Variants in ZNF568 observed in about 807,000 individuals in gnomAD.
ZNF568 encodes p53 inhibitor of SCO2 activation.
ZNF568 carries 11 observed loss-of-function variants against 18.1 expected under a neutral mutation model. The ratio of observed to expected loss-of-function variants is 0.61; its 90% CI spans 0.38 to 1.00. The LOEUF (loss-of-function observed/expected upper bound fraction) is 1.00. ZNF568 is among the 50% of genes least tolerant of loss of function. The pLI, the probability that ZNF568 is intolerant of heterozygous loss-of-function variation, is 0.01. For synonymous variants in ZNF568, 213 were observed against 246.6 expected, an observed-to-expected ratio of 0.86 and a Z score of 1.28; for missense variants, 639 against 768.2, an observed-to-expected ratio of 0.83 and a Z score of 1.99.
At chr19:36,968,558 A>C (rs570675334) in intron 6 of ZNF568, among the ~76,000 whole-genome samples, 1 of 146,608 alleles carries the variant, frequency 6.8e-6, no homozygotes, top group Admixed American at 6.8e-5. Flanking sequence ...AAAAAAAAAA[A>C]CTATATATAT....
Position 36,937,219 on chromosome 19 carries a change from A to C in ZNF568, c.335A>C (p.Glu112Ala). Residue 112 changes from glutamate (E) to alanine (A), a missense_variant, in exon 6 of 7, where the codon GAA becomes GCA. Glu to Ala is a moderately radical substitution (Grantham distance 107). Coordinates refer to ENST00000333987, the MANE Select transcript of ZNF568 (RefSeq NM_198539.4). ...QEEEPWVMEE[E>A]MFGRHCPEVW... ...GAGGAGCCCTGGGTGATGGAGGAAG[A>C]AATGTTTGGGAGGCACTGTCCAGGT... is the stretch of plus-strand genomic sequence containing the variant. 3.1e-6 allele frequency: 5 copies of C among 1,614,000 alleles called. No homozygotes were observed. The highest frequency in any genetic ancestry group is 4.2e-6 in the Non-Finnish European group (5 of 1,179,912).
At chr19:36,953,672 G>A (rs1420990285), downstream of ZNF568, among the ~76,000 whole-genome samples, 3 of 152,192 alleles carry the variant, frequency 2.0e-5, no homozygotes, top group Non-Finnish European at 2.9e-5. Flanking sequence ...AGCGCTTTGG[G>A]AGGCCGAGGC....
chr19:36,957,374 G>A (rs2074115842), downstream of ZNF568, among the ~76,000 whole-genome samples: 1 of 152,070 alleles, frequency 6.6e-6, no homozygotes. Flanking sequence ...TGGGATTACA[G>A]GCGCCTGCCA....
chr19:36,931,787 GT>G (rs2073690753), intron 4 of ZNF568: 1 of 152,098 alleles, frequency 6.6e-6, no homozygotes, highest in African/African-American at 2.4e-5. Context: ...CAAGTGAGTG[GT>G]TTTTAGTGTA....
At position 36,978,555 on chromosome 19, in the gene ZNF568, CG is replaced by C. The variant is rs2074304142; in HGVS notation, c.406-448del. On this transcript the variant is annotated intron_variant, in intron 7 of 7. Coordinates refer to the ZNF568 transcript ENST00000427117. ...GTCCCAGTTAATCTTCCACACGTTACGTGAAACTTTCCCCACACCCCTCAAT... is the reference window on the plus strand; with the variant it reads ...GTCCCAGTTAATCTTCCACACGTTACTGAAACTTTCCCCACACCCCTCAAT... Among the ~76,000 whole-genome samples, 4 of 151,934 alleles carry C rather than the reference CG, an allele frequency of 2.6e-5. No homozygotes were observed. In the South Asian group the frequency reaches 8.3e-4, roughly 32 times the overall value.
rs535241940 is a variant in ZNF568, at chr19:36,995,068, T to C, written c.230-1249T>C. Among the ~76,000 whole-genome samples the C allele has an allele frequency of 2.6e-4, 40 of 152,326 alleles. No individual in the cohort carries two copies. In the South Asian group the frequency reaches 6.2e-3, roughly 24 times the overall value. On this transcript the variant is annotated intron_variant, in intron 4 of 4. Transcript: ENST00000433993. ...CTTTGCATGGTATATCTTTTTCCATTCTTTCATTTCAACTATTTGTGTCCT... is the reference window on the plus strand; with the variant it reads ...CTTTGCATGGTATATCTTTTTCCATCCTTTCATTTCAACTATTTGTGTCCT...
chr19:36,953,258 G>T (rs2074082118), downstream of ZNF568, among the ~76,000 whole-genome samples: 1 of 152,050 alleles, frequency 6.6e-6, no homozygotes, highest in African/African-American at 2.4e-5. Context: ...TTGTTTTCTT[G>T]CCCTGTAATT....
chr19:36,982,184 T>C (rs576405067), downstream of ZNF568, among the ~76,000 whole-genome samples: 90 of 152,300 alleles, frequency 5.9e-4, no homozygotes, highest in Non-Finnish European at 1.1e-3. Flanking sequence ...TTAATTCTTA[T>C]CTTGCTGCAC....
downstream of ZNF568, chr19:36,997,432 C>T: frequency 1.3e-6 from 2 of 1,582,794 alleles, no homozygotes; most frequent in Non-Finnish European, 1.7e-6. Flanking sequence ...ACTTGTTCGA[C>T]ATCAAAAAGT....
intron 2 of ZNF568, among the ~76,000 whole-genome samples, chr19:36,921,866 G>A (rs895998043): frequency 1.1e-4 from 17 of 152,114 alleles, no homozygotes; most frequent in African/African-American, 4.1e-4. Context: ...TGCCAAATTT[G>A]GGGTTGCTGC....
intron 6 of ZNF568, among the ~76,000 whole-genome samples, chr19:36,942,062 C>T (rs1416019084): frequency 1.3e-5 from 2 of 149,512 alleles, no homozygotes; most frequent in Admixed American, 6.7e-5. Context: ...TTGCTCACTG[C>T]AGCTCTGCCT....
intron 2 of ZNF568, among the ~76,000 whole-genome samples, chr19:36,988,453 C>A (rs2074395631): frequency 6.6e-6 from 1 of 152,154 alleles, no homozygotes; most frequent in Admixed American, 6.5e-5. Context: ...AACTTACCAT[C>A]CTGGTAGAAG....
rs1410581267 is a variant in ZNF568 at position 36,951,598 on chromosome 19, C to T, written c.*510C>T. On this transcript the variant is annotated 3_prime_UTR_variant, in exon 7 of 7. Transcript: ENST00000333987. ...AATGATGACCTAGTCAATAAAATTG[C>T]TGGGAATATTTGACTCTCCGTATTG... is the stretch of plus-strand genomic sequence containing the variant. The T allele has an allele frequency of 6.6e-6, 1 of 151,018 alleles. No individual in the cohort carries two copies. The highest frequency in any genetic ancestry group is 2.4e-5 in the African/African-American group (1 of 41,006). The allele number at this position is 151,018 out of a possible 1,614,324, so 9.4% of individuals were successfully genotyped here.
At chr19:36,935,514 C>G (rs910553327) in intron 4 of ZNF568, among the ~76,000 whole-genome samples, 5 of 148,724 alleles carry the variant, frequency 3.4e-5, no homozygotes, top group Non-Finnish European at 7.4e-5. Context: ...GAGCCGAGAT[C>G]GTGCCACTGT....
exon 8 of ZNF568, chr19:36,979,159 T>A: frequency 4.6e-6 from 1 of 217,678 alleles, no homozygotes; most frequent in South Asian, 4.7e-5. Context: ...AATTTAGTGT[T>A]TTTTATAGAG....
chr19:36,927,324 T>C (rs1208732599), intron 4 of ZNF568, among the ~76,000 whole-genome samples: 1 of 152,150 alleles, frequency 6.6e-6, no homozygotes, highest in African/African-American at 2.4e-5. Context: ...CAAAGCATTG[T>C]TTTCCATATT....
chr19:36,939,528 C>CTTTCTTTTTTTTTT, intron 6 of ZNF568, among the ~76,000 whole-genome samples: 1 of 114,474 alleles, frequency 8.7e-6, no homozygotes, highest in Admixed American at 9.7e-5. Context: ...GATGTATTTT[C>CTTTCTTTTTTTTTT]TTTCTTTTTT....
rs1555736279 is a variant in ZNF568 at position 36,962,277 on chromosome 19, G to GTTATT, written c.359-12141_359-12140insATTTT. ...TTTTCATGATGGTAAGTGTTGCAGT[G>GTTATT]TTTTTTTTTTTTTTTTTTTTTTTGC... On this transcript the variant is annotated intron_variant, in intron 6 of 7. Coordinates refer to the ZNF568 transcript ENST00000427117. 9.8e-3 allele frequency among the ~76,000 whole-genome samples: 446 copies of GTTATT among 45,280 alleles called. 38 individuals carry two copies. The highest frequency in any genetic ancestry group is 0.018 in the African/African-American group (211 of 11,940). The allele number at this position is 45,280 out of a possible 152,430, so 29.7% of individuals were successfully genotyped here.
At chr19:36,927,102 A>G (rs1445546496) in intron 4 of ZNF568, among the ~76,000 whole-genome samples, 2 of 152,120 alleles carry the variant, frequency 1.3e-5, no homozygotes, top group Admixed American at 1.3e-4. Context: ...CCTTCTCCCA[A>G]TCTGTCATTT....
Sources: allele counts gnomAD v4.1 joint callset (sites outside exome capture counted in the v4.1 genomes callset), GRCh38; gene constraint gnomAD v4.1.1; transcripts MANE v1.5; gene names NCBI Gene and HGNC (gene_info 2026-07-23, HGNC 2026-07-21).